KYNU: variants seen among roughly 807,000 people sequenced by gnomAD.
KYNU encodes the protein L-kynurenine hydrolase.
Under a neutral mutation model 59.2 loss-of-function variants are expected in KYNU, and 54 were observed. That is an observed-to-expected ratio of 0.91 (90% confidence interval 0.73 to 1.14). The LOEUF (loss-of-function observed/expected upper bound fraction) is 1.14. Among genes scored for constraint, KYNU ranks in the 50% most tolerant of loss-of-function variants. KYNU has a pLI of 0.00. For synonymous variants in KYNU, 177 were observed against 192.0 expected (o/e 0.92, Z 0.65); for missense variants, 567 against 554.4 (o/e 1.02, Z -0.23).
intron 10 of KYNU, among the ~76,000 whole-genome samples, chr2:143,004,870 A>G (rs1277987277): frequency 6.6e-6 from 1 of 152,214 alleles, no homozygotes; most frequent in African/African-American, 2.4e-5. Context: ...TTAATCTGCC[A>G]TCACCAGTAT....
intron 2 of KYNU, among the ~76,000 whole-genome samples, chr2:142,901,230 T>A (rs995144790): frequency 2.6e-5 from 4 of 152,240 alleles, no homozygotes; most frequent in Middle Eastern, 3.4e-3. Context: ...GTGAAAGGTT[T>A]GGTGAAGGGT....
At chr2:142,894,652 G>C (rs1267065412) in intron 2 of KYNU, among the ~76,000 whole-genome samples, 1 of 152,040 alleles carries the variant, frequency 6.6e-6, no homozygotes, top group African/African-American at 2.4e-5. Flanking sequence ...TGTGGCATGT[G>C]AATGCCACAA....
chr2:142,884,762 G>A (rs192266664), intron 1 of KYNU, among the ~76,000 whole-genome samples: 232 of 142,532 alleles, frequency 1.6e-3, no homozygotes, highest in Non-Finnish European at 2.7e-3. Flanking sequence ...GCTGGAGTGC[G>A]GTGGTACAAT....
At chr2:143,039,804 T>A (rs1686983271) in intron 12 of KYNU, among the ~76,000 whole-genome samples, 1 of 152,122 alleles carries the variant, frequency 6.6e-6, no homozygotes. Flanking sequence ...TTAATCTAAA[T>A]GGGTCCAGGT....
At chr2:142,880,502 CT>C (rs1681258049) in intron 1 of KYNU, among the ~76,000 whole-genome samples, 1 of 152,176 alleles carries the variant, frequency 6.6e-6, no homozygotes, top group African/African-American at 2.4e-5. Flanking sequence ...ATCAGTGGTT[CT>C]GTTTTACTTT....
intron 4 of KYNU, among the ~76,000 whole-genome samples, chr2:142,942,712 T>C (rs2105054245): frequency 1.3e-5 from 2 of 152,306 alleles, no homozygotes; most frequent in East Asian, 3.9e-4. Context: ...AAGTAAAGTA[T>C]ACTTGAAAGG....
At position 142,958,051 on chromosome 2, in the gene KYNU, A is replaced by G. The variant is rs1684226152; in HGVS notation, c.582+336A>G. 3 of 269,076 alleles carry G rather than the reference A, an allele frequency of 1.1e-5. No homozygotes were observed. In the South Asian group the frequency reaches 1.3e-4, roughly 11 times the overall value. 16.7% of individuals were successfully genotyped at this position (269,076 alleles called of 1,614,324 possible). On this transcript the variant is annotated intron_variant, in intron 7 of 13. Transcript: ENST00000264170. ...TCCAAATGTCATGCCCATGGGTGCC[A>G]TTAAAATCATGCTAAAGACCAGAAT... is the stretch of plus-strand genomic sequence containing the variant.
At chr2:142,948,495 C>T (rs1683874356) in intron 4 of KYNU, among the ~76,000 whole-genome samples, 1 of 152,194 alleles carries the variant, frequency 6.6e-6, no homozygotes, top group South Asian at 2.1e-4. Context: ...CATAGTTGCA[C>T]ATAGCTGGGG....
At chr2:142,992,062 G>T (rs891191636) in intron 10 of KYNU, among the ~76,000 whole-genome samples, 1 of 151,684 alleles carries the variant, frequency 6.6e-6, no homozygotes. Flanking sequence ...ATAAATATCA[G>T]ATAATACAGT....
At chr2:142,903,582 G>A (rs1324703364) in intron 2 of KYNU, among the ~76,000 whole-genome samples, 1 of 152,028 alleles carries the variant, frequency 6.6e-6, no homozygotes, top group Non-Finnish European at 1.5e-5. Flanking sequence ...GAGTAAGACT[G>A]AGAAGGCCAC....
chr2:142,943,418 G>T (rs1225788244), intron 4 of KYNU, among the ~76,000 whole-genome samples: 1 of 143,214 alleles, frequency 7.0e-6, no homozygotes, highest in Non-Finnish European at 1.5e-5. Flanking sequence ...AGAAGAGAAA[G>T]AAATAATAAC....
chr2:143,036,410 T>C (rs1686895465), intron 12 of KYNU, among the ~76,000 whole-genome samples: 1 of 152,010 alleles, frequency 6.6e-6, no homozygotes, highest in South Asian at 2.1e-4. Context: ...TAGAACTTTT[T>C]AAAAGACGTA....
At chr2:142,962,694 T>C (rs1052395080) in intron 8 of KYNU, among the ~76,000 whole-genome samples, 1 of 152,208 alleles carries the variant, frequency 6.6e-6, no homozygotes, top group Non-Finnish European at 1.5e-5. Flanking sequence ...ATGAGCAGCT[T>C]TAAGTGTAAC....
At chr2:142,981,944 C>T (rs981586230) in intron 8 of KYNU, among the ~76,000 whole-genome samples, 1 of 151,918 alleles carries the variant, frequency 6.6e-6, no homozygotes, top group Admixed American at 6.6e-5. Flanking sequence ...TAAAAGCAGC[C>T]ATGGACAATA....
intron 4 of KYNU, among the ~76,000 whole-genome samples, chr2:142,936,984 C>A (rs1280772662): frequency 6.6e-6 from 1 of 152,150 alleles, no homozygotes; most frequent in African/African-American, 2.4e-5. Flanking sequence ...CGCCTGGGTG[C>A]AGGTGGGCTG....
chr2:142,935,149 G>A (rs1190119082), intron 4 of KYNU, among the ~76,000 whole-genome samples: 1 of 152,218 alleles, frequency 6.6e-6, no homozygotes, highest in Non-Finnish European at 1.5e-5. Context: ...TGGAATATTG[G>A]GGGTGGACTG....
At chr2:142,932,966 G>A (rs1683276341) in intron 4 of KYNU, among the ~76,000 whole-genome samples, 2 of 152,154 alleles carry the variant, frequency 1.3e-5, no homozygotes, top group African/African-American at 2.4e-5. Flanking sequence ...GGTTTAGATG[G>A]GAGCTGGTTA....
chr2:143,005,957 G>T (rs775977996), intron 10 of KYNU, among the ~76,000 whole-genome samples: 3 of 152,176 alleles, frequency 2.0e-5, no homozygotes, highest in Non-Finnish European at 4.4e-5. Context: ...CCAAATCACT[G>T]AAGCTGTAAG....
intron 10 of KYNU, among the ~76,000 whole-genome samples, chr2:142,990,237 T>G (rs1325549887): frequency 6.6e-6 from 1 of 151,874 alleles, no homozygotes; most frequent in African/African-American, 2.4e-5. Context: ...TAATTCAGTC[T>G]ACACAGTTAA....
Sources: gnomAD v4.1 joint callset for allele counts (sites outside exome capture counted in the v4.1 genomes callset) on GRCh38, gnomAD v4.1.1 for gene constraint, MANE v1.5 for transcripts, NCBI Gene and HGNC (gene_info 2026-07-23, HGNC 2026-07-21) for gene names.